The following PDE4C variants were observed in gnomAD, a reference collection of about 807,000 sequenced individuals.
The protein encoded by PDE4C is 3',5'-cyclic-AMP phosphodiesterase 4C.
A neutral mutation model predicts 63.9 loss-of-function variants in PDE4C; 50 were observed. The ratio of observed to expected loss-of-function variants is 0.78; its 90% CI spans 0.62 to 0.99. The LOEUF (loss-of-function observed/expected upper bound fraction) is 0.99. Among genes scored for constraint, PDE4C ranks in the 50% least tolerant of loss-of-function variants. The pLI, the probability that PDE4C is intolerant of heterozygous loss-of-function variation, is 0.00. For missense variants in PDE4C, 777 were observed against 899.1 expected, an observed-to-expected ratio of 0.86 and a Z score of 1.74; for synonymous variants, 377 against 385.1, an observed-to-expected ratio of 0.98 and a Z score of 0.25.
chr19:18,216,613 G>A (rs1968205173), intron 12 of PDE4C, 128 bp downstream of exon 12: 2 of 902,740 alleles, frequency 2.2e-6, no homozygotes, highest in South Asian at 1.8e-5. Context: ...CTCAGACAGA[G>A]TGAGGACATG....
At chr19:18,248,053 C>A in intron 1 of PDE4C, 1 of 389,798 alleles carries the variant, frequency 2.6e-6, no homozygotes, top group Non-Finnish European at 5.2e-6. Context: ...ACCCATTCAG[C>A]TCCCAGAGTG....
rs370465668 is a variant in PDE4C at position 18,221,106 on chromosome 19, T to C, written c.448A>G (p.Lys150Glu). The change falls in exon 4 of 15, where the codon AAG (lysine) becomes GAG (glutamate). Residue 150 changes from lysine (K) to glutamate (E), a missense_variant and splice_region_variant. By Grantham distance (56) the Lys-to-Glu change is moderately conservative. This residue lies in a region of PDE4C where 249 missense variants were observed against 247.8 expected (regional missense o/e 1.00). Transcript: ENST00000262805. ...CGCCCCGCCCCGCCCTCTACCTACT[T>C]GGCTGCTCCTAGGCATTGCTGGCGG... is the stretch of plus-strand genomic sequence containing the variant. 4.5e-5 allele frequency: 50 copies of C among 1,118,536 alleles called. No homozygotes were observed. In the African/African-American group the frequency reaches 7.5e-4, roughly 17 times the overall value. 69.3% of individuals were successfully genotyped at this position (1,118,536 alleles called of 1,614,324 possible). A position where few individuals can be genotyped will look rare whatever the true frequency, so the allele number is the denominator to read the frequency against.
chr19:18,254,885 G>A, the PDE4C span, among the ~76,000 whole-genome samples: 1 of 152,220 alleles, frequency 6.6e-6, no homozygotes, highest in South Asian at 2.1e-4. Context: ...CCATGGCCCT[G>A]AGGTCTTCAC....
At position 18,220,499 on chromosome 19, in the gene PDE4C, C is replaced by T. The variant is rs751353663; in HGVS notation, c.516G>A (p.Lys172=). 6.2e-7 allele frequency: 1 copy of T among 1,613,996 alleles called. No homozygotes were observed. Among genetic ancestry groups the T allele is most frequent in the Non-Finnish European group, 8.5e-7 (1 of 1,179,992 alleles). Residue 172 remains lysine, a synonymous_variant, in exon 6 of 15, where the codon AAG becomes AAA. Coordinates refer to ENST00000262805, the Ensembl canonical transcript of PDE4C. The surrounding 1 kb of genome is among the most constrained non-coding windows in gnomAD (Gnocchi z 5.1). Reference sequence around the variant, plus strand: ...GCTCGTCTAGCGTCTCCAATGCCAGCTTCTGCCCCGTGTCCTCTGGGAGCC... The same window carrying T: ...GCTCGTCTAGCGTCTCCAATGCCAGTTTCTGCCCCGTGTCCTCTGGGAGCC...
upstream of PDE4C, among the ~76,000 whole-genome samples, chr19:18,231,295 G>A (rs193286565): frequency 1.1e-4 from 17 of 152,326 alleles, no homozygotes; most frequent in East Asian, 5.8e-4. Context: ...GCACACACAC[G>A]TGCACAGGGA....
At chr19:18,232,100 C>T (rs1968859715) in intron 1 of PDE4C, among the ~76,000 whole-genome samples, 1 of 152,090 alleles carries the variant, frequency 6.6e-6, no homozygotes, top group Admixed American at 6.6e-5. Context: ...TGCTGTGGCT[C>T]ACACATGTAA....
upstream of PDE4C, among the ~76,000 whole-genome samples, chr19:18,228,254 TC>T (rs1968783570): frequency 6.6e-6 from 1 of 151,644 alleles, no homozygotes; most frequent in Admixed American, 6.6e-5. Flanking sequence ...ATTCAGCCCC[TC>T]CCCCAAAATC....
At chr19:18,227,769 C>T (rs1480926607), upstream of PDE4C, among the ~76,000 whole-genome samples, 4 of 152,274 alleles carry the variant, frequency 2.6e-5, no homozygotes, top group South Asian at 4.1e-4. Flanking sequence ...GCCTTCCCCC[C>T]GGGGCGGCTG....
At chr19:18,218,364 C>A (rs568953481) in exon 10 of PDE4C, 20 of 1,614,230 alleles carry the variant, frequency 1.2e-5, no homozygotes, top group Non-Finnish European at 1.7e-5. Context: ...GCAGCACATG[C>A]GTGGACTGGG....
chr19:18,233,622 G>A (rs945373017), exon 1 of PDE4C: 2 of 436,970 alleles, frequency 4.6e-6, no homozygotes, highest in Middle Eastern at 3.6e-4. Flanking sequence ...AGACCCCCGG[G>A]GCCGAGACGG....
intron 1 of PDE4C, among the ~76,000 whole-genome samples, chr19:18,222,884 G>A (rs1968555413): frequency 6.6e-6 from 1 of 151,256 alleles, no homozygotes; most frequent in African/African-American, 2.4e-5. Context: ...ATTTTTTGTA[G>A]AGACCAGGTC....
chr19:18,249,145 AAGAG>A (rs778960832), upstream of PDE4C, among the ~76,000 whole-genome samples: 2 of 152,058 alleles, frequency 1.3e-5, no homozygotes, highest in African/African-American at 4.8e-5. Flanking sequence ...AAAAGAAAAA[AAGAG>A]AGAGAGATGG....
chr19:18,245,848 T>C (rs1325700544), intron 1 of PDE4C, among the ~76,000 whole-genome samples: 2 of 152,110 alleles, frequency 1.3e-5, no homozygotes, highest in African/African-American at 4.8e-5. Flanking sequence ...TATTTATTAT[T>C]ATCATTATTT....
the PDE4C span, among the ~76,000 whole-genome samples, chr19:18,253,385 C>CA: frequency 1.3e-5 from 2 of 151,674 alleles, no homozygotes; most frequent in Admixed American, 6.6e-5. Context: ...CTTGTCTCTA[C>CA]AAAAAAATAA....
exon 15 of PDE4C, chr19:18,211,219 G>A (rs1967922676): frequency 6.2e-7 from 1 of 1,612,062 alleles, no homozygotes; most frequent in African/African-American, 1.3e-5. Context: ...GCATCTGGGT[G>A]GACCAGGTCA....
At chr19:18,226,863 C>T (rs999986024), upstream of PDE4C, among the ~76,000 whole-genome samples, 2 of 152,024 alleles carry the variant, frequency 1.3e-5, no homozygotes, top group Non-Finnish European at 2.9e-5. Context: ...GCCTCAGCCT[C>T]GCAAAGTGCT....
chr19:18,219,606 T>A (rs1333861190), intron 7 of PDE4C: 18 of 575,024 alleles, frequency 3.1e-5, no homozygotes, highest in Admixed American at 3.3e-5. Context: ...GGCAGATCAC[T>A]TGAGGTCAGG....
At chr19:18,235,471 C>T (rs1334670893), upstream of PDE4C, among the ~76,000 whole-genome samples, 1 of 152,114 alleles carries the variant, frequency 6.6e-6, no homozygotes, top group East Asian at 1.9e-4. Flanking sequence ...ATGCCCAGCC[C>T]TGGTGTTGTG....
intron 1 of PDE4C, among the ~76,000 whole-genome samples, chr19:18,240,402 C>T (rs552725306): frequency 5.8e-4 from 71 of 122,144 alleles, no homozygotes; most frequent in African/African-American, 2.2e-3. Context: ...CTCTTCAGCC[C>T]GGCTTACAGA....
Sources: allele counts gnomAD v4.1 joint callset (sites outside exome capture counted in the v4.1 genomes callset), GRCh38; gene constraint gnomAD v4.1.1; regional missense constraint gnomAD v4.1.1; non-coding constraint Gnocchi (gnomAD v3.1); transcripts MANE v1.5; gene names NCBI Gene and HGNC (gene_info 2026-07-23, HGNC 2026-07-21).